Variants in RFWD3 observed in about 807,000 individuals in gnomAD.
RFWD3 encodes E3 ubiquitin-protein ligase RFWD3.
Under a neutral mutation model 87.7 loss-of-function variants are expected in RFWD3, and 65 were observed. That is an observed-to-expected ratio of 0.74 (90% CI 0.61 to 0.91). RFWD3 has a LOEUF of 0.91. Ranked by LOEUF, RFWD3 falls within the 40% of genes least tolerant of loss-of-function variation. RFWD3 has a pLI of 0.00. For missense variants in RFWD3, 1,078 were observed against 938.5 expected (o/e 1.15, Z -1.94); for synonymous variants, 433 against 352.8 (o/e 1.23, Z -2.55).
At position 74,636,429 on chromosome 16, in the gene RFWD3, C is replaced by A; in HGVS notation, c.1343G>T (p.Gly448Val). ...ACAGTATGCCATGATCCGGCAGTTTCCTGCCTGAGATACTGTGAAGGTCTT... is the reference window on the plus strand; with the variant it reads ...ACAGTATGCCATGATCCGGCAGTTTACTGCCTGAGATACTGTGAAGGTCTT... ...FQKTFTVSQA[G>V]NCRIMAYCDA... Residue 448 changes from glycine to valine, a missense_variant, in exon 8 of 13, where the codon GGA becomes GTA. Gly to Val is a moderately radical substitution (Grantham distance 109, BLOSUM62 -3). Transcript: ENST00000361070. 1.2e-6 allele frequency: 2 copies of A among 1,614,178 alleles called. No homozygotes were observed. The highest frequency in any genetic ancestry group is 1.7e-6 in the Non-Finnish European group (2 of 1,180,034).
intron 3 of RFWD3, 106 bp downstream of exon 3, chr16:74,651,814 G>A (rs1010553168): frequency 7.4e-6 from 7 of 948,846 alleles, no homozygotes; most frequent in Non-Finnish European, 1.1e-5. Context: ...CAACATTTAG[G>A]GGAGAAAAGG....
intron 3 of RFWD3, among the ~76,000 whole-genome samples, chr16:74,651,364 T>G (rs982818936): frequency 6.6e-6 from 1 of 152,178 alleles, no homozygotes; most frequent in Non-Finnish European, 1.5e-5. Flanking sequence ...ATGTCTGTAA[T>G]CCCAGCACTT....
chr16:74,660,798 C>T, intron 2 of RFWD3, 134 bp downstream of exon 2: 3 of 929,116 alleles, frequency 3.2e-6, no homozygotes, highest in Non-Finnish European at 4.9e-6. Flanking sequence ...CTTTTATTTC[C>T]ACCTATGAGG....
Position 74,644,663 on chromosome 16 carries a change from TTG to T in RFWD3, c.863_864del (p.Thr288AsnfsTer26), listed in dbSNP as rs1567577420. On this transcript the variant is annotated frameshift_variant, in exon 5 of 13. Transcript: ENST00000361070. LOFTEE classifies it high-confidence loss of function. Reference sequence around the variant, plus strand: ...GCATTGGTCCACTGTTCCAGACATATTGTACAAGTGTCCCCTTCTTCCTCATC... The same window carrying T: ...GCATTGGTCCACTGTTCCAGACATATTACAAGTGTCCCCTTCTTCCTCATC... The part of the protein sequence containing the change: ...SMDEEEGDTC[T>X]ICLEQWTNAG... 1 of 1,614,234 alleles carries T rather than the reference TTG, an allele frequency of 6.2e-7. No individual in the cohort carries two copies. Among genetic ancestry groups the T allele is most frequent in the East Asian group, 2.2e-5 (1 of 44,888 alleles).
At chr16:74,650,818 G>A (rs1169546526) in intron 3 of RFWD3, among the ~76,000 whole-genome samples, 1 of 151,772 alleles carries the variant, frequency 6.6e-6, no homozygotes, top group African/African-American at 2.4e-5. Context: ...TCAAGGCTGC[G>A]GTGAGCTGTG....
intron 1 of RFWD3, among the ~76,000 whole-genome samples, chr16:74,661,658 T>C (rs1567588856): frequency 6.6e-6 from 1 of 152,206 alleles, no homozygotes; most frequent in Non-Finnish European, 1.5e-5. Context: ...TAACCAGTTT[T>C]CCGGTTTGCC....
chr16:74,657,657 G>A lies in RFWD3; in HGVS notation c.518+3275C>T, dbSNP rs1961103463. On this transcript the variant is annotated intron_variant, in intron 2 of 12. Transcript: ENST00000361070. Reference sequence around the variant, plus strand: ...CACCCGACTAATTTTTGTATTTTTAGTAGACAGGGTTTCACCATGTTGGCC... The same window carrying A: ...CACCCGACTAATTTTTGTATTTTTAATAGACAGGGTTTCACCATGTTGGCC... 3.3e-5 allele frequency among the ~76,000 whole-genome samples: 5 copies of A among 152,070 alleles called. No individual in the cohort carries two copies. The South Asian group carries it at 1.0e-3, about 32-fold the overall frequency.
At chr16:74,626,837 T>C (rs1033672399) in intron 11 of RFWD3, among the ~76,000 whole-genome samples, 14 of 152,098 alleles carry the variant, frequency 9.2e-5, no homozygotes, top group Admixed American at 2.6e-4. Context: ...TTGTCTGTTT[T>C]AGTAAAATCA....
intron 1 of RFWD3, among the ~76,000 whole-genome samples, chr16:74,662,039 C>T (rs1367979189): frequency 2.6e-5 from 4 of 152,058 alleles, no homozygotes; most frequent in East Asian, 1.9e-4. Flanking sequence ...ATCATGTTAG[C>T]GTATTCAACA....
intron 1 of RFWD3, among the ~76,000 whole-genome samples, chr16:74,664,159 T>C (rs1033078693): frequency 2.0e-5 from 3 of 152,130 alleles, no homozygotes; most frequent in Non-Finnish European, 4.4e-5. Context: ...CCACGTTGCC[T>C]AGGCTGGTCT....
At chr16:74,649,711 C>T (rs1960427327) in intron 3 of RFWD3, among the ~76,000 whole-genome samples, 1 of 152,176 alleles carries the variant, frequency 6.6e-6, no homozygotes, top group Admixed American at 6.5e-5. Flanking sequence ...AGTTTTAAAG[C>T]TGCTCTTTGC....
At chr16:74,650,860 G>C (rs1960508884) in intron 3 of RFWD3, among the ~76,000 whole-genome samples, 1 of 151,378 alleles carries the variant, frequency 6.6e-6, no homozygotes, top group African/African-American at 2.4e-5. Flanking sequence ...CTGGGGGACA[G>C]AGTGTAACCC....
Position 74,643,348 on chromosome 16 carries a change from C to T in RFWD3, c.1079+1014G>A, listed in dbSNP as rs572645640. On this transcript the variant is annotated intron_variant, in intron 6 of 12. Coordinates refer to ENST00000361070, the MANE Select transcript of RFWD3 (RefSeq NM_018124.4). ...ATGCTTCCACAGGACAACATATGCA[C>T]ATTTCAACATTGTATTCTGTTCATG... is the stretch of plus-strand genomic sequence containing the variant. 6.6e-5 allele frequency among the ~76,000 whole-genome samples: 10 copies of T among 152,286 alleles called. No homozygotes were observed. In the South Asian group the frequency reaches 1.9e-3, roughly 28 times the overall value.
chr16:74,663,094 C>G (rs760399666), intron 1 of RFWD3, among the ~76,000 whole-genome samples: 1 of 151,792 alleles, frequency 6.6e-6, no homozygotes, highest in Non-Finnish European at 1.5e-5. Context: ...TTAGTACAGC[C>G]GGGGTTTCAC....
chr16:74,630,924 A>G lies in RFWD3; in HGVS notation c.1611T>C (p.Asn537=). The part of the protein sequence containing the change: ...LETNTVVQTY[N]AGRPVWSCCW... ...AACAGCTCCAGACAGGACGTCCAGCATTATAAGTCTGGACCACGGTATTTG... is the reference window on the plus strand; with the variant it reads ...AACAGCTCCAGACAGGACGTCCAGCGTTATAAGTCTGGACCACGGTATTTG... Residue 537 remains asparagine (N), a synonymous_variant, in exon 10 of 13, where the codon AAT becomes AAC. Coordinates refer to ENST00000361070, the MANE Select transcript of RFWD3 (RefSeq NM_018124.4). 2 of 1,613,944 alleles carry G rather than the reference A, an allele frequency of 1.2e-6. No homozygotes were observed. Among genetic ancestry groups the G allele is most frequent in the Non-Finnish European group, 1.7e-6 (2 of 1,179,956 alleles).
At chr16:74,641,786 C>T (rs1383141826) in intron 6 of RFWD3, among the ~76,000 whole-genome samples, 1 of 151,362 alleles carries the variant, frequency 6.6e-6, no homozygotes, top group African/African-American at 2.4e-5. Flanking sequence ...ATTAGCTGGG[C>T]ATGGTGAAAG....
At chr16:74,653,073 T>C (rs564735490) in intron 2 of RFWD3, among the ~76,000 whole-genome samples, 19 of 152,276 alleles carry the variant, frequency 1.2e-4, no homozygotes, top group South Asian at 2.1e-4. Context: ...CTGCGATGAC[T>C]CATGTCTGTA....
Position 74,643,669 on chromosome 16 carries a change from G to GCTTTTTTTTTTTTTTT in RFWD3, c.1079+692_1079+693insAAAAAAAAAAAAAAAG, listed in dbSNP as rs56803461. 1.0e-4 allele frequency among the ~76,000 whole-genome samples: 11 copies of GCTTTTTTTTTTTTTTT among 105,054 alleles called. 5 individuals are homozygous for GCTTTTTTTTTTTTTTT. Among genetic ancestry groups the GCTTTTTTTTTTTTTTT allele is most frequent in the African/African-American group, 7.8e-5 (2 of 25,568 alleles). 68.9% of individuals were successfully genotyped at this position (105,054 alleles called of 152,430 possible). ...ATACTGAGTGGTGTTACTAGCAACT[G>GCTTTTTTTTTTTTTTT]TTTTTTTTTTTTTTTTTTTTTTTTG... is the stretch of plus-strand genomic sequence containing the variant. On this transcript the variant is annotated intron_variant, in intron 6 of 12. Transcript: ENST00000361070.
chr16:74,638,328 T>A (rs568400636), intron 6 of RFWD3, among the ~76,000 whole-genome samples: 21 of 152,022 alleles, frequency 1.4e-4, no homozygotes, highest in Non-Finnish European at 2.4e-4. Context: ...TGGTTGTTCA[T>A]GAGATACTCA....
Sources: allele counts gnomAD v4.1 joint callset (sites outside exome capture counted in the v4.1 genomes callset), GRCh38; gene constraint gnomAD v4.1.1; transcripts MANE v1.5; gene names NCBI Gene and HGNC (gene_info 2026-07-23, HGNC 2026-07-21).